GALK2: variants seen among roughly 807,000 people sequenced by gnomAD.
The protein encoded by GALK2 is N-acetylgalactosamine kinase.
A neutral mutation model predicts 52.4 loss-of-function variants in GALK2; 36 were observed. The ratio of observed to expected loss-of-function variants is 0.69; its 90% CI spans 0.53 to 0.91. The LOEUF is 0.91. GALK2 is among the 40% of genes least tolerant of loss of function. GALK2 has a pLI of 0.00. For synonymous variants in GALK2, 176 were observed against 199.1 expected, an observed-to-expected ratio of 0.88 and a Z score of 0.98; for missense variants, 579 against 559.1, an observed-to-expected ratio of 1.04 and a Z score of -0.36.
chr15:49,202,763 T>C (rs543936431), intron 2 of GALK2, among the ~76,000 whole-genome samples: 273 of 152,342 alleles, frequency 1.8e-3, no homozygotes, highest in African/African-American at 6.3e-3. Flanking sequence ...TTTTAGTTTT[T>C]TGAGGAGCCT....
chr15:49,250,861 G>A (rs1469640977), intron 5 of GALK2, among the ~76,000 whole-genome samples: 1 of 151,708 alleles, frequency 6.6e-6, no homozygotes, highest in Non-Finnish European at 1.5e-5. Context: ...ATATTTTTTT[G>A]AAATCCTACT....
chr15:49,353,330 C>T (rs1483256942), intron 3 of GALK2, among the ~76,000 whole-genome samples: 1 of 152,166 alleles, frequency 6.6e-6, no homozygotes, highest in Non-Finnish European at 1.5e-5. Flanking sequence ...TGATCCTCAT[C>T]TTCCTCTTCC....
intron 9 of GALK2, among the ~76,000 whole-genome samples, chr15:49,326,301 C>T (rs533712859): frequency 1.5e-5 from 2 of 135,396 alleles, no homozygotes; most frequent in Non-Finnish European, 3.1e-5. Context: ...CACTGTGTCA[C>T]GCAGGCTGGA....
At chr15:49,229,361 T>C in intron 3 of GALK2, among the ~76,000 whole-genome samples, 1 of 152,172 alleles carries the variant, frequency 6.6e-6, no homozygotes, top group East Asian at 1.9e-4. Flanking sequence ...GTAGTTAGTG[T>C]CACCTGTGTG....
At chr15:49,156,047 A>T in intron 1 of GALK2, 1 of 1,612,386 alleles carries the variant, frequency 6.2e-7, no homozygotes, top group South Asian at 1.1e-5. Flanking sequence ...GTACGTGTGC[A>T]TTTAGCCCAC....
At chr15:49,297,823 C>G (rs973338020) in intron 8 of GALK2, among the ~76,000 whole-genome samples, 15 of 152,122 alleles carry the variant, frequency 9.9e-5, no homozygotes, top group African/African-American at 3.6e-4. Flanking sequence ...GTTACTGTAG[C>G]CTTGTAGTAT....
chr15:49,202,216 G>T (rs534548732), intron 2 of GALK2, among the ~76,000 whole-genome samples: 52 of 152,136 alleles, frequency 3.4e-4, no homozygotes, highest in African/African-American at 1.2e-3. Context: ...TGTTGGTCAG[G>T]CTGGTCTCGA....
At chr15:49,357,493 A>T (rs973857172) in intron 3 of GALK2, among the ~76,000 whole-genome samples, 2 of 152,184 alleles carry the variant, frequency 1.3e-5, no homozygotes, top group Non-Finnish European at 2.9e-5. Context: ...AGAAGAAATA[A>T]TGGATAAATT....
intron 8 of GALK2, among the ~76,000 whole-genome samples, chr15:49,310,207 T>A (rs2035878655): frequency 6.6e-6 from 1 of 152,218 alleles, no homozygotes; most frequent in South Asian, 2.1e-4. Flanking sequence ...TTTCTGCTAA[T>A]GACAGGATTT....
At chr15:49,204,932 T>C (rs1481933862) in intron 2 of GALK2, among the ~76,000 whole-genome samples, 1 of 152,204 alleles carries the variant, frequency 6.6e-6, no homozygotes, top group African/African-American at 2.4e-5. Flanking sequence ...CCCCCACATA[T>C]CAGTGAGAAC....
intron 1 of GALK2, among the ~76,000 whole-genome samples, chr15:49,174,233 T>C (rs1430952549): frequency 6.6e-6 from 1 of 152,176 alleles, no homozygotes. Context: ...TTAAAGCTCA[T>C]TTATGAAAAT....
chr15:49,294,344 G>A (rs925651666), intron 8 of GALK2, among the ~76,000 whole-genome samples: 3 of 152,032 alleles, frequency 2.0e-5, no homozygotes, highest in African/African-American at 7.2e-5. Flanking sequence ...AAGATTATAT[G>A]TCCAGGGAAC....
intron 8 of GALK2, among the ~76,000 whole-genome samples, chr15:49,304,918 G>A (rs2035421216): frequency 6.6e-6 from 1 of 152,114 alleles, no homozygotes; most frequent in African/African-American, 2.4e-5. Context: ...CACATGATCT[G>A]GTGAAAGCTT....
chr15:49,250,288 G>T (rs1222106496), intron 5 of GALK2, among the ~76,000 whole-genome samples: 1 of 152,152 alleles, frequency 6.6e-6, no homozygotes, highest in Non-Finnish European at 1.5e-5. Flanking sequence ...TAATAAATGA[G>T]ACTGGTTAAA....
At chr15:49,171,082 CTTTTT>C (rs201895577) in intron 1 of GALK2, among the ~76,000 whole-genome samples, 1 of 129,918 alleles carries the variant, frequency 7.7e-6, no homozygotes. Flanking sequence ...TTTTCTTTTT[CTTTTT>C]TTTTTTTTTT....
chr15:49,229,986 G>A (rs903487866), intron 3 of GALK2, among the ~76,000 whole-genome samples: 1 of 152,148 alleles, frequency 6.6e-6, no homozygotes, highest in Non-Finnish European at 1.5e-5. Context: ...TTTAGGGCTC[G>A]TGAAAATACA....
At chr15:49,167,085 A>C (rs1328882763), upstream of GALK2, among the ~76,000 whole-genome samples, 1 of 152,100 alleles carries the variant, frequency 6.6e-6, no homozygotes, top group Admixed American at 6.6e-5. Context: ...TTTTGGATCA[A>C]GTTTTTGTAT....
chr15:49,159,303 C>T (rs572962574), intron 1 of GALK2, among the ~76,000 whole-genome samples: 55 of 152,124 alleles, frequency 3.6e-4, no homozygotes, highest in Non-Finnish European at 7.2e-4. Flanking sequence ...CCGGCTGGCG[C>T]GCTGGCTCAC....
At position 49,329,310 on chromosome 15, in the gene GALK2, T is replaced by C. The variant is rs185268010; in HGVS notation, c.*1151T>C. On this transcript the variant is annotated 3_prime_UTR_variant, in exon 10 of 10. Coordinates refer to ENST00000560031, the MANE Select transcript of GALK2 (RefSeq NM_002044.4). Reference sequence around the variant, plus strand: ...CTGGCTTTCTCTTGTGGATGGACTATAGGAAGCACTTTCTGAATTATGTAA... The same window carrying C: ...CTGGCTTTCTCTTGTGGATGGACTACAGGAAGCACTTTCTGAATTATGTAA... 3.0e-5 allele frequency: 30 copies of C among 985,438 alleles called. No homozygotes were observed. Among genetic ancestry groups the C allele is most frequent in the Middle Eastern group, 5.2e-4 (1 of 1,914 alleles). The allele number at this position is 985,438 out of a possible 1,614,324, so 61.0% of individuals were successfully genotyped here. A position where few individuals can be genotyped will look rare whatever the true frequency, so the allele number is the denominator to read the frequency against.
Sources: allele counts gnomAD v4.1 joint callset (sites outside exome capture counted in the v4.1 genomes callset), GRCh38; gene constraint gnomAD v4.1.1; transcripts MANE v1.5; gene names NCBI Gene and HGNC (gene_info 2026-07-23, HGNC 2026-07-21).